The following GSE1 variants were observed in gnomAD, a reference collection of about 807,000 sequenced individuals.
GSE1 encodes Gse1 coiled-coil protein.
Under a neutral mutation model 112.6 loss-of-function variants are expected in GSE1, and 32 were observed. The ratio of observed to expected loss-of-function variants is 0.28; its 90% CI spans 0.21 to 0.38. The LOEUF is 0.38. Ranked by LOEUF, GSE1 falls within the 10% of genes least tolerant of loss-of-function variation. The probability of loss-of-function intolerance (pLI) is 1.00; values close to 1 mark genes in which losing one functional copy is unlikely to be tolerated. For missense variants in GSE1, 2,348 were observed against 1,699.2 expected (o/e 1.38, Z -6.71); for synonymous variants, 1,115 against 735.6 (o/e 1.52, Z -8.35).
At chr16:85,590,715 T>C (rs961843625) in intron 1 of GSE1, among the ~76,000 whole-genome samples, 3 of 151,832 alleles carry the variant, frequency 2.0e-5, no homozygotes, top group African/African-American at 7.3e-5. Context: ...AGGGATGGAG[T>C]GTGTGTGGAG....
chr16:85,362,486 T>C (rs991111465), intron 2 of GSE1, among the ~76,000 whole-genome samples: 7 of 152,208 alleles, frequency 4.6e-5, no homozygotes, highest in Non-Finnish European at 1.5e-5. Flanking sequence ...CTAGCATTAC[T>C]ACTTCCCGGC....
intron 2 of GSE1, among the ~76,000 whole-genome samples, chr16:85,385,110 G>C (rs1046787906): frequency 6.6e-6 from 1 of 152,256 alleles, no homozygotes; most frequent in Admixed American, 6.5e-5. Context: ...GTCTGTTCTC[G>C]CCAAGGAAGC....
intron 1 of GSE1, among the ~76,000 whole-genome samples, chr16:85,209,509 C>G (rs1243417579): frequency 4.6e-5 from 7 of 152,228 alleles, no homozygotes; most frequent in Non-Finnish European, 8.8e-5. Flanking sequence ...ACTGACCCCT[C>G]CCACCCTCTC....
intron 2 of GSE1, among the ~76,000 whole-genome samples, chr16:85,542,837 C>G (rs2044569289): frequency 6.6e-6 from 1 of 152,236 alleles, no homozygotes; most frequent in South Asian, 2.1e-4. Flanking sequence ...TTCTCCCTCC[C>G]TGCAGCAGCT....
intron 1 of GSE1, among the ~76,000 whole-genome samples, chr16:85,304,064 A>G (rs1030577555): frequency 1.4e-4 from 22 of 152,208 alleles, no homozygotes; most frequent in African/African-American, 5.1e-4. Flanking sequence ...CGCAGGACAG[A>G]GCCCCTTGGC....
chr16:85,337,296 TC>T (rs371719124), intron 1 of GSE1, among the ~76,000 whole-genome samples: 47 of 148,130 alleles, frequency 3.2e-4, no homozygotes, highest in African/African-American at 1.0e-3. Context: ...CTTTTTTTTT[TC>T]TTTTCTTTTC....
At chr16:85,482,212 A>T (rs546626167) in intron 2 of GSE1, among the ~76,000 whole-genome samples, 8 of 149,512 alleles carry the variant, frequency 5.4e-5, no homozygotes, top group Non-Finnish European at 1.2e-4. Context: ...GATGGGAGAC[A>T]GTGGGTGAGG....
At chr16:85,611,807 G>A (rs2048001117), upstream of GSE1, among the ~76,000 whole-genome samples, 2 of 151,794 alleles carry the variant, frequency 1.3e-5, no homozygotes, top group South Asian at 2.1e-4. Flanking sequence ...ACAGATGGAT[G>A]GGGGGTGGCA....
chr16:85,397,733 C>T (rs2048001045), intron 2 of GSE1, among the ~76,000 whole-genome samples: 1 of 152,244 alleles, frequency 6.6e-6, no homozygotes, highest in South Asian at 2.1e-4. Context: ...GCCCCGCTTC[C>T]CTGGGGACTG....
intron 2 of GSE1, among the ~76,000 whole-genome samples, chr16:85,506,231 A>G (rs993900196): frequency 6.6e-6 from 1 of 152,196 alleles, no homozygotes; most frequent in Non-Finnish European, 1.5e-5. Flanking sequence ...CGCCAGCCAC[A>G]TGTGGCTCTC....
chr16:85,249,473 G>A lies in GSE1; in HGVS notation c.2283+77666G>A, dbSNP rs115618413. ...AGCCCGTTTCAGACTGGGACCCTGA[G>A]TGGCAGTGCTGGGATGCCAGCCAGA... On this transcript the variant is annotated intron_variant, in intron 1 of 2. Transcript: ENST00000637419. Among the ~76,000 whole-genome samples the A allele has an allele frequency of 4.5e-3, 689 of 152,356 alleles. 7 individuals carry two copies. Among genetic ancestry groups the A allele is most frequent in the African/African-American group, 0.015 (633 of 41,590 alleles).
rs116523897 is a variant in GSE1, at chr16:85,214,202, G to A, written c.2283+42395G>A. Among the ~76,000 whole-genome samples the A allele has an allele frequency of 4.4e-3, 671 of 152,282 alleles. 1 individual carries two copies. Among genetic ancestry groups the A allele is most frequent in the African/African-American group, 0.016 (649 of 41,548 alleles). Reference sequence around the variant, plus strand: ...TCCGCTCACCCACGAGAGCAGCTCCGGAGGCACCACCTCGGGGAAGCCGAC... The same window carrying A: ...TCCGCTCACCCACGAGAGCAGCTCCAGAGGCACCACCTCGGGGAAGCCGAC... On this transcript the variant is annotated intron_variant, in intron 1 of 2. Transcript: ENST00000637419.
chr16:85,642,528 C>G (rs1302726110), intron 2 of GSE1, among the ~76,000 whole-genome samples: 1 of 152,190 alleles, frequency 6.6e-6, no homozygotes, highest in Non-Finnish European at 1.5e-5. Context: ...CCCATCTGTT[C>G]AAGCTGCCCC....
At chr16:85,385,799 C>T (rs554422951) in intron 2 of GSE1, among the ~76,000 whole-genome samples, 33 of 152,308 alleles carry the variant, frequency 2.2e-4, no homozygotes, top group Non-Finnish European at 3.8e-4. Flanking sequence ...CAGAGCTGGA[C>T]AGGGGGAGGG....
intron 2 of GSE1, among the ~76,000 whole-genome samples, chr16:85,463,405 G>A (rs2050033073): frequency 6.6e-6 from 1 of 152,242 alleles, no homozygotes; most frequent in Admixed American, 6.5e-5. Context: ...GGGGGAGGCT[G>A]CCCTCAGACC....
At chr16:85,179,463 G>A (rs2074537084) in intron 1 of GSE1, among the ~76,000 whole-genome samples, 2 of 152,122 alleles carry the variant, frequency 1.3e-5, no homozygotes, top group Non-Finnish European at 2.9e-5. Flanking sequence ...CTGTGAACAC[G>A]CATGGGCAAG....
intron 1 of GSE1, among the ~76,000 whole-genome samples, chr16:85,175,944 T>G (rs992164949): frequency 2.6e-5 from 4 of 152,202 alleles, no homozygotes; most frequent in Admixed American, 1.3e-4. Flanking sequence ...AGTCCAGCTC[T>G]TGAGTCTGTG....
At chr16:85,232,769 C>T (rs556835032) in intron 1 of GSE1, among the ~76,000 whole-genome samples, 28 of 152,386 alleles carry the variant, frequency 1.8e-4, no homozygotes, top group Non-Finnish European at 1.9e-4. Flanking sequence ...CACTTCCTCC[C>T]GGAGGCCTCG....
chr16:85,663,175 T>C (rs547372196), intron 10 of GSE1, 82 bp downstream of exon 10: 1 of 1,245,890 alleles, frequency 8.0e-7, no homozygotes, highest in East Asian at 2.3e-5. Flanking sequence ...CACCCCACTG[T>C]TGCTAGGTTC....
Sources: gnomAD v4.1 joint callset for allele counts (sites outside exome capture counted in the v4.1 genomes callset) on GRCh38, gnomAD v4.1.1 for gene constraint, MANE v1.5 for transcripts, NCBI Gene and HGNC (gene_info 2026-07-23, HGNC 2026-07-21) for gene names.